The following CNTLN variants were observed in gnomAD, a reference collection of about 807,000 sequenced individuals.
CNTLN encodes centlein, also known as centlein, centrosomal protein.
CNTLN carries 212 observed loss-of-function variants against 180.0 expected under a neutral mutation model. The ratio of observed to expected loss-of-function variants is 1.18; its 90% confidence interval spans 1.05 to 1.32. The LOEUF is 1.32. Among genes scored for constraint, CNTLN ranks in the 40% most tolerant of loss-of-function variants. The pLI is 0.00. For missense variants in CNTLN, 2,095 were observed against 1,610.9 expected (o/e 1.30, Z -5.14); for synonymous variants, 722 against 563.1 (o/e 1.28, Z -3.99).
intron 8 of CNTLN, among the ~76,000 whole-genome samples, chr9:17,325,509 T>C (rs1820222062): frequency 6.6e-6 from 1 of 151,340 alleles, no homozygotes; most frequent in African/African-American, 2.4e-5. Context: ...TTTTCTGATA[T>C]ATACGTGTAT....
chr9:17,481,490 G>A (rs890504746), intron 23 of CNTLN, among the ~76,000 whole-genome samples: 11 of 152,140 alleles, frequency 7.2e-5, no homozygotes, highest in Non-Finnish European at 1.5e-4. Flanking sequence ...CAACCACACA[G>A]CAAAGCCAGT....
At chr9:17,412,584 C>T (rs1299724851) in intron 16 of CNTLN, among the ~76,000 whole-genome samples, 2 of 152,124 alleles carry the variant, frequency 1.3e-5, no homozygotes, top group Non-Finnish European at 2.9e-5. Context: ...AAATAAATTA[C>T]ATGACATATT....
At chr9:17,419,499 G>A (rs1238513334) in intron 18 of CNTLN, among the ~76,000 whole-genome samples, 1 of 152,044 alleles carries the variant, frequency 6.6e-6, no homozygotes, top group African/African-American at 2.4e-5. Context: ...CACATGCAAT[G>A]TTTAATTTTA....
At chr9:17,390,208 A>C (rs1825993008) in intron 14 of CNTLN, among the ~76,000 whole-genome samples, 1 of 137,548 alleles carries the variant, frequency 7.3e-6, no homozygotes, top group South Asian at 2.4e-4. Flanking sequence ...AATATCAGGC[A>C]TTGTATTTCA....
At chr9:17,382,871 G>C (rs1223746983) in intron 13 of CNTLN, among the ~76,000 whole-genome samples, 2 of 152,064 alleles carry the variant, frequency 1.3e-5, no homozygotes, top group Non-Finnish European at 2.9e-5. Context: ...TACCTCATTA[G>C]CCTTATCTTT....
At chr9:17,190,890 A>G (rs1426872836) in intron 2 of CNTLN, among the ~76,000 whole-genome samples, 3 of 152,174 alleles carry the variant, frequency 2.0e-5, no homozygotes, top group East Asian at 1.9e-4. Context: ...AAATGTTGCA[A>G]TTAGTAACTA....
At chr9:17,434,765 A>G (rs560046322) in intron 18 of CNTLN, among the ~76,000 whole-genome samples, 10 of 151,938 alleles carry the variant, frequency 6.6e-5, no homozygotes, top group Non-Finnish European at 1.2e-4. Context: ...TTTTTTAAGT[A>G]TATAGGTTGT....
intron 4 of CNTLN, among the ~76,000 whole-genome samples, 159 bp from the exon 5 acceptor site, chr9:17,236,250 C>T (rs1246933891): frequency 6.6e-6 from 1 of 152,070 alleles, no homozygotes; most frequent in Non-Finnish European, 1.5e-5. Context: ...TGAAAAGAGG[C>T]CAATAAAAGT....
chr9:17,408,747 G>C (rs1295383267), intron 15 of CNTLN, among the ~76,000 whole-genome samples: 1 of 151,006 alleles, frequency 6.6e-6, no homozygotes, highest in Non-Finnish European at 1.5e-5. Flanking sequence ...GTTGCCATGA[G>C]CCAAGATCGC....
chr9:17,252,778 C>T (rs182057477), intron 5 of CNTLN, among the ~76,000 whole-genome samples: 238 of 151,624 alleles, frequency 1.6e-3, no homozygotes, highest in Admixed American at 2.7e-3. Flanking sequence ...AATATAGTTC[C>T]ATTTCTCTAT....
chr9:17,373,501 C>T (rs1284801134), intron 13 of CNTLN, among the ~76,000 whole-genome samples: 1 of 151,970 alleles, frequency 6.6e-6, no homozygotes, highest in African/African-American at 2.4e-5. Context: ...GAAAGACATC[C>T]CCTTTTAATG....
chr9:17,270,127 C>G (rs1827825216), intron 5 of CNTLN, among the ~76,000 whole-genome samples: 1 of 151,932 alleles, frequency 6.6e-6, no homozygotes, highest in Non-Finnish European at 1.5e-5. Flanking sequence ...TATTTAATGT[C>G]TGTTCTTTTT....
chr9:17,446,584 G>T (rs1280911231), intron 18 of CNTLN, among the ~76,000 whole-genome samples: 2 of 152,030 alleles, frequency 1.3e-5, no homozygotes, highest in Admixed American at 6.5e-5. Context: ...GGCTTACTGA[G>T]AAATTCTTTA....
chr9:17,197,098 A>C (rs115576261), intron 2 of CNTLN, among the ~76,000 whole-genome samples: 3,155 of 152,198 alleles, frequency 0.021, 68 homozygotes, highest in African/African-American at 0.056. Context: ...AATTACTTAC[A>C]CTCACGGTAC....
chr9:17,456,176 G>A (rs931910862), intron 18 of CNTLN, among the ~76,000 whole-genome samples: 2 of 152,094 alleles, frequency 1.3e-5, no homozygotes, highest in African/African-American at 4.8e-5. Context: ...AATAGGGAGG[G>A]AGATGGATTC....
At chr9:17,330,896 T>G in intron 9 of CNTLN, 88 bp downstream of exon 9, 1 of 1,201,294 alleles carries the variant, frequency 8.3e-7, no homozygotes, top group Non-Finnish European at 1.2e-6. Flanking sequence ...CAGCATTTAC[T>G]TCTCTGCTTG....
At chr9:17,476,484 T>A (rs1407091671) in intron 23 of CNTLN, among the ~76,000 whole-genome samples, 3 of 152,176 alleles carry the variant, frequency 2.0e-5, no homozygotes. Context: ...ACTAGGCCTT[T>A]TGCACCAAAC....
intron 18 of CNTLN, among the ~76,000 whole-genome samples, chr9:17,416,861 A>G (rs992783464): frequency 2.6e-5 from 4 of 151,934 alleles, no homozygotes; most frequent in African/African-American, 7.3e-5. Context: ...TTTGTTAGAA[A>G]ATTATTTTGC....
chr9:17,204,065 C>A (rs961579139), intron 2 of CNTLN, among the ~76,000 whole-genome samples: 1 of 152,122 alleles, frequency 6.6e-6, no homozygotes, highest in Non-Finnish European at 1.5e-5. Context: ...TTTTTGTAAC[C>A]TTTTATCCAC....
Sources: gnomAD v4.1 joint callset for allele counts (sites outside exome capture counted in the v4.1 genomes callset) on GRCh38, gnomAD v4.1.1 for gene constraint, MANE v1.5 for transcripts, NCBI Gene and HGNC (gene_info 2026-07-23, HGNC 2026-07-21) for gene names.